CNNM3: variants seen among roughly 807,000 people sequenced by gnomAD.
The protein encoded by CNNM3 is cyclin and CBS domain divalent metal cation transport mediator 3.
CNNM3 carries 47 observed loss-of-function variants against 57.1 expected under a neutral mutation model. The observed-to-expected ratio is 0.82, with a 90% CI of 0.65 to 1.05. The LOEUF is 1.05. CNNM3 is among the 50% of genes least tolerant of loss of function. The pLI is 0.00. For missense variants in CNNM3, 957 were observed against 973.7 expected (o/e 0.98, Z 0.23); for synonymous variants, 507 against 478.2 (o/e 1.06, Z -0.79).
At chr2:96,817,760 C>T (rs951378907) in intron 1 of CNNM3, among the ~76,000 whole-genome samples, 4 of 152,068 alleles carry the variant, frequency 2.6e-5, no homozygotes, top group East Asian at 1.9e-4. Flanking sequence ...GCCCCCCCCC[C>T]CCATTTGCAG....
chr2:96,832,408 C>T, intron 7 of CNNM3, 144 bp from the exon 8 acceptor site: 10 of 1,516,440 alleles, frequency 6.6e-6, no homozygotes, highest in Non-Finnish European at 8.0e-6. Flanking sequence ...CCAGTCGCTC[C>T]TGTTTCTGCT....
At position 96,834,582 on chromosome 2, in the gene CNNM3, C is replaced by T. The variant is rs2079660245; in HGVS notation, c.*1966C>T. Among the ~76,000 whole-genome samples the T allele has an allele frequency of 1.3e-5, 2 of 151,882 alleles. No individual in the cohort carries two copies. The highest frequency in any genetic ancestry group is 2.1e-4 in the South Asian group (1 of 4,810). On this transcript the variant is annotated 3_prime_UTR_variant, in exon 8 of 8. Transcript: ENST00000305510. Reference sequence around the variant, plus strand: ...TGGGGTAGTCTCGAACTCCTAGGCTCAAGCGATCCTCCTGCCTCGGCCTCC... The same window carrying T: ...TGGGGTAGTCTCGAACTCCTAGGCTTAAGCGATCCTCCTGCCTCGGCCTCC...
intron 7 of CNNM3, 134 bp from the exon 8 acceptor site, chr2:96,832,416 GCT>G: frequency 6.6e-7 from 1 of 1,519,688 alleles, no homozygotes; most frequent in Non-Finnish European, 8.8e-7. Flanking sequence ...TCCTGTTTCT[GCT>G]CTGATACTTC....
At chr2:96,826,591 T>C (rs1486931097) in intron 2 of CNNM3, among the ~76,000 whole-genome samples, 1 of 152,226 alleles carries the variant, frequency 6.6e-6, no homozygotes, top group East Asian at 1.9e-4. Flanking sequence ...TGCTTTGTTA[T>C]CATATCAGCA....
In CNNM3 at chr2:96,828,223, G is replaced by A. The variant is rs1303015512; in HGVS notation, c.1786+28G>A. The A allele has an allele frequency of 1.9e-6, 3 of 1,576,788 alleles. No individual in the cohort carries two copies. The Admixed American group carries it at 5.0e-5, about 26-fold the overall frequency. ...AAGCCACGGCCCTGCTGATGCTGAG[G>A]GCCAGGGTGGAGGCTGCAGAGCCTG... is the stretch of plus-strand genomic sequence containing the variant. On this transcript the variant is annotated intron_variant, in intron 5 of 7. Transcript: ENST00000305510.
chr2:96,832,724 GTTT>G lies in CNNM3; in HGVS notation c.*110_*112del, dbSNP rs2079624955. 1 of 1,574,702 alleles carries G rather than the reference GTTT, an allele frequency of 6.4e-7. No individual in the cohort carries two copies. The highest frequency in any genetic ancestry group is 1.3e-5 in the African/African-American group (1 of 74,164). Reference sequence around the variant, plus strand: ...CCTGCCCCCATCCCCTCCAGGCCACGTTTTAGATGGCCCTTGTAGTTGCGGGTC... The same window carrying G: ...CCTGCCCCCATCCCCTCCAGGCCACGTAGATGGCCCTTGTAGTTGCGGGTC... On this transcript the variant is annotated 3_prime_UTR_variant, in exon 8 of 8. Transcript: ENST00000305510.
intron 1 of CNNM3, among the ~76,000 whole-genome samples, chr2:96,824,125 G>A (rs1467434859): frequency 6.6e-6 from 1 of 151,678 alleles, no homozygotes; most frequent in Non-Finnish European, 1.5e-5. Context: ...TTTTTCAGAC[G>A]GGTCTAACGT....
At chr2:96,822,989 T>C (rs1039316659) in intron 1 of CNNM3, among the ~76,000 whole-genome samples, 4 of 152,180 alleles carry the variant, frequency 2.6e-5, no homozygotes, top group Admixed American at 1.3e-4. Flanking sequence ...CAGGCATCAG[T>C]GTGAGTGGTT....
At chr2:96,822,205 A>G (rs557799993) in intron 1 of CNNM3, among the ~76,000 whole-genome samples, 82 of 151,966 alleles carry the variant, frequency 5.4e-4, no homozygotes, top group Non-Finnish European at 1.1e-3. Context: ...GAGTTTCACA[A>G]TGTTGGCCAG....
chr2:96,828,206 G>A lies in CNNM3; in HGVS notation c.1786+11G>A, dbSNP rs377733409. ...CTGTGCCATCCTCGGGTAAGCCACG[G>A]CCCTGCTGATGCTGAGGGCCAGGGT... On this transcript the variant is annotated intron_variant, in intron 5 of 7. Transcript: ENST00000305510. The A allele has an allele frequency of 1.2e-5, 20 of 1,609,640 alleles. No homozygotes were observed. The African/African-American group carries it at 2.7e-4, about 22-fold the overall frequency.
rs142499606 is a variant in CNNM3 at position 96,829,071 on chromosome 2, G to C, written c.1996G>C (p.Asp666His). 1 of 1,613,768 alleles carries C rather than the reference G, an allele frequency of 6.2e-7. No homozygotes were observed. Among genetic ancestry groups the C allele is most frequent in the African/African-American group, 1.3e-5 (1 of 74,818 alleles). Residue 666 changes from aspartate to histidine, a missense_variant, in exon 7 of 8, where the codon GAC becomes CAC. Physicochemically the swap from Asp to His is moderately conservative, Grantham distance 81 (BLOSUM62 -1). This residue lies in a region of CNNM3 where 491 missense variants were observed against 570.6 expected (regional missense o/e 0.86). Transcript: ENST00000305510. ...QNLPQSPENT[D>H]LQVIPGSQTR... Reference sequence around the variant, plus strand: ...CCTGCCACAGTCCCCTGAGAACACCGACCTGCAGGTTATTCCAGGCAGCCA... The same window carrying C: ...CCTGCCACAGTCCCCTGAGAACACCCACCTGCAGGTTATTCCAGGCAGCCA...
chr2:96,816,622 G>C lies in CNNM3; in HGVS notation c.345G>C (p.Ala115=). 1 of 1,162,730 alleles carries C rather than the reference G, an allele frequency of 8.6e-7. No individual in the cohort carries two copies. The allele number at this position is 1,162,730 out of a possible 1,614,324, so 72.0% of individuals were successfully genotyped here. A position where few individuals can be genotyped will look rare whatever the true frequency, so the allele number is the denominator to read the frequency against. Residue 115 remains alanine, a synonymous_variant, in exon 1 of 8, where the codon GCG becomes GCC. Coordinates refer to ENST00000305510, the MANE Select transcript of CNNM3 (RefSeq NM_017623.5). ...CCGAGGCCGTGCGCCCGCACTCGGC[G>C]CTGCTGGCGGTGCGCGTGGAGCCGG... ...LRAEAVRPHS[A]LLAVRVEPGG...
intron 1 of CNNM3, among the ~76,000 whole-genome samples, chr2:96,817,989 C>T (rs1332803479): frequency 3.9e-5 from 6 of 152,164 alleles, no homozygotes; most frequent in Admixed American, 3.9e-4. Context: ...TTCTTAAGGT[C>T]CCTGGCGTTA....
At position 96,816,380 on chromosome 2, in the gene CNNM3, G is replaced by T; in HGVS notation, c.103G>T (p.Gly35Cys). ...GGCCGCGCCGGGCCCGCGAGTGCTG[G>T]GCTTCTGCCTGGAGGAGGATGGAGC... ...GEAAPGPRVL[G>C]FCLEEDGAAG... Residue 35 changes from glycine (G) to cysteine (C), a missense_variant, in exon 1 of 8, where the codon GGC (glycine) becomes TGC (cysteine). Physicochemically the swap from Gly to Cys is radical, Grantham distance 159. Coordinates refer to ENST00000305510, the MANE Select transcript of CNNM3 (RefSeq NM_017623.5). The T allele has an allele frequency of 7.4e-7, 1 of 1,346,258 alleles. No individual in the cohort carries two copies. 83.4% of individuals were successfully genotyped at this position (1,346,258 alleles called of 1,614,324 possible).
chr2:96,817,074 C>G lies in CNNM3; in HGVS notation c.797C>G (p.Thr266Ser). ...LGLSRLAVLL[T>S]LPVALPVGQL... ...CTCAGCCGCCTGGCCGTCCTGCTCA[C>G]TCTGCCCGTCGCGCTGCCCGTGGGG... The change falls in exon 1 of 8, where the codon ACT becomes AGT. Residue 266 changes from threonine (T) to serine (S), a missense_variant. Physicochemically the swap from Thr to Ser is moderately conservative, Grantham distance 58. Coordinates refer to ENST00000305510, the MANE Select transcript of CNNM3 (RefSeq NM_017623.5). The G allele has an allele frequency of 2.9e-6, 4 of 1,357,998 alleles. No homozygotes were observed. Among genetic ancestry groups the G allele is most frequent in the South Asian group, 1.7e-5 (1 of 57,820 alleles). 84.1% of individuals were successfully genotyped at this position (1,357,998 alleles called of 1,614,324 possible).
rs1290902346 is a variant in CNNM3, at chr2:96,834,016, C to G, written c.*1400C>G. ...CACTGCAACCTCCACCTCCCAGGTT[C>G]AAGCCATTCTCCTGTCTCAGCCCCC... is the stretch of plus-strand genomic sequence containing the variant. On this transcript the variant is annotated 3_prime_UTR_variant, in exon 8 of 8. Coordinates refer to ENST00000305510, the MANE Select transcript of CNNM3 (RefSeq NM_017623.5). 6.6e-6 allele frequency: 1 copy of G among 152,228 alleles called. No individual in the cohort carries two copies. Among genetic ancestry groups the G allele is most frequent in the African/African-American group, 2.4e-5 (1 of 41,432 alleles). The allele number at this position is 152,228 out of a possible 1,614,324, so 9.4% of individuals were successfully genotyped here. A position where few individuals can be genotyped will look rare whatever the true frequency, so the allele number is the denominator to read the frequency against.
chr2:96,836,762 A>T (rs1339544792), downstream of CNNM3: 1 of 152,192 alleles, frequency 6.6e-6, no homozygotes, highest in African/African-American at 2.4e-5. Context: ...TATTTCCTTT[A>T]TGGACTGTTG....
At chr2:96,829,466 A>T (rs372240690) in intron 7 of CNNM3, among the ~76,000 whole-genome samples, 1 of 151,318 alleles carries the variant, frequency 6.6e-6, no homozygotes, top group Non-Finnish European at 1.5e-5. Flanking sequence ...ACGCCTGGCC[A>T]ATTTTTGTAT....
At chr2:96,827,004 T>C in intron 3 of CNNM3, 22 bp downstream of exon 3, 3 of 1,611,036 alleles carry the variant, frequency 1.9e-6, no homozygotes, top group Non-Finnish European at 2.5e-6. Context: ...GGGTGGTCCA[T>C]GCCCCCTGCT....
Sources: gnomAD v4.1 joint callset for allele counts (sites outside exome capture counted in the v4.1 genomes callset) on GRCh38, gnomAD v4.1.1 for gene constraint, gnomAD v4.1.1 regional missense constraint, MANE v1.5 for transcripts, NCBI Gene and HGNC (gene_info 2026-07-23, HGNC 2026-07-21) for gene names.